PPFIA4: variants seen among roughly 807,000 people sequenced by gnomAD.
The protein encoded by PPFIA4 is PPFI scaffold protein A4.
PPFIA4 carries 98 observed loss-of-function variants against 145.7 expected under a neutral mutation model. The ratio of observed to expected loss-of-function variants is 0.67; its 90% CI spans 0.57 to 0.80. PPFIA4 has a LOEUF of 0.80. Among genes scored for constraint, PPFIA4 ranks in the 30% least tolerant of loss-of-function variants. PPFIA4 has a pLI of 0.00. For missense variants in PPFIA4, 1,457 were observed against 1,632.7 expected (o/e 0.89, Z 1.85); for synonymous variants, 628 against 649.6 (o/e 0.97, Z 0.51).
chr1:203,045,354 C>T lies in PPFIA4; in HGVS notation c.667-14C>T, dbSNP rs1417432513. Reference sequence around the variant, plus strand: ...CTGCTGTGACTCACAGAGCTACTGTCCCTATCCCTGGAGGAGGATACGGGC... The same window carrying T: ...CTGCTGTGACTCACAGAGCTACTGTTCCTATCCCTGGAGGAGGATACGGGC... On this transcript the variant is annotated splice_polypyrimidine_tract_variant and intron_variant, in intron 6 of 29. Coordinates refer to ENST00000295706, the MANE Select transcript of PPFIA4 (RefSeq NM_001304331.2). The T allele has an allele frequency of 6.4e-7, 1 of 1,568,386 alleles. No individual in the cohort carries two copies. The highest frequency in any genetic ancestry group is 1.8e-5 in the Admixed American group (1 of 54,862).
rs372384271 is a variant in PPFIA4, at chr1:203,045,560, G to A, written c.858+1G>A. The stretch of plus-strand genomic sequence containing the variant: ...CAAGCATCAGCGGGACCTCCGGGAG[G>A]TGCGTGAGGGCGCAGGCCTGCTCTG... On this transcript the variant is annotated splice_donor_variant, in intron 7 of 29. Coordinates refer to ENST00000295706, the MANE Select transcript of PPFIA4 (RefSeq NM_001304331.2). LOFTEE classifies it high-confidence loss of function. 7.0e-6 allele frequency: 11 copies of A among 1,580,534 alleles called. No homozygotes were observed. Among genetic ancestry groups the A allele is most frequent in the Non-Finnish European group, 8.6e-6 (10 of 1,164,252 alleles).
At chr1:203,057,119 G>C (rs1661026412) in intron 19 of PPFIA4, among the ~76,000 whole-genome samples, 169 bp downstream of exon 19, 1 of 152,250 alleles carries the variant, frequency 6.6e-6, no homozygotes, top group African/African-American at 2.4e-5. Context: ...GCTATTCATG[G>C]CGGGGTGGAT....
chr1:203,039,313 T>G, intron 2 of PPFIA4, 71 bp downstream of exon 2: 32 of 1,098,334 alleles, frequency 2.9e-5, no homozygotes, highest in Non-Finnish European at 3.3e-5. Flanking sequence ...CACTGGGCCC[T>G]CAGCTCATCT....
At chr1:203,032,629 T>C (rs1283266103) in intron 1 of PPFIA4, among the ~76,000 whole-genome samples, 1 of 104,876 alleles carries the variant, frequency 9.5e-6, no homozygotes, top group Non-Finnish European at 2.0e-5. Flanking sequence ...TTTTTTTTTT[T>C]AAGAGAGGAT....
intron 29 of PPFIA4, 129 bp from the exon 30 acceptor site, chr1:203,076,212 C>T: frequency 3.9e-6 from 4 of 1,029,868 alleles, no homozygotes; most frequent in Non-Finnish European, 5.9e-6. Context: ...CTTCCTGCTT[C>T]GTCTGGCCTG....
intron 13 of PPFIA4, 184 bp from the exon 14 acceptor site, chr1:203,051,585 A>T: frequency 9.0e-7 from 1 of 1,110,100 alleles, no homozygotes; most frequent in Non-Finnish European, 1.2e-6. Context: ...CCCCTGGAGC[A>T]CCAGGGCATA....
Position 203,045,684 on chromosome 1 carries a change from G to T in PPFIA4, c.858+125G>T. ...TTGCCTGGCTCCATTGTTGGGGGGC[G>T]GTCATGGAAGGGGTGGGCCAAAGCC... On this transcript the variant is annotated intron_variant, in intron 7 of 29. Transcript: ENST00000295706. 4 of 1,439,138 alleles carry T rather than the reference G, an allele frequency of 2.8e-6. No individual in the cohort carries two copies. The South Asian group carries it at 4.1e-5, about 15-fold the overall frequency. The allele number at this position is 1,439,138 out of a possible 1,614,324, so 89.1% of individuals were successfully genotyped here. A position where few individuals can be genotyped will look rare whatever the true frequency, so the allele number is the denominator to read the frequency against.
rs775099552 is a variant in PPFIA4 at position 203,055,516 on chromosome 1, A to G, written c.1914A>G (p.Leu638=). ...TRVTSGSMEA[L]NLKQLRKRGS... is the part of the protein sequence containing the mutation. ...TAACCAGTGGCAGCATGGAAGCCCT[A>G]AACCTGAAGCAGCTGCGCAAGCGTG... Residue 638 remains leucine (L), a synonymous_variant, in exon 16 of 30, where the codon CTA becomes CTG. Transcript: ENST00000295706. The surrounding 1 kb of genome is among the most constrained non-coding windows in gnomAD (Gnocchi z 4.8). The G allele has an allele frequency of 6.2e-7, 1 of 1,613,896 alleles. No individual in the cohort carries two copies. Among genetic ancestry groups the G allele is most frequent in the African/African-American group, 1.3e-5 (1 of 74,920 alleles).
At chr1:203,032,041 C>CGTGTATGTGTGTGT (rs138677252) in intron 1 of PPFIA4, among the ~76,000 whole-genome samples, 234 of 146,456 alleles carry the variant, frequency 1.6e-3, no homozygotes, top group Non-Finnish European at 1.4e-3. Flanking sequence ...TCTGAGAGAA[C>CGTGTATGTGTGTGT]GTGTGTGTGT....
At chr1:203,045,278 G>A (rs557584549) in intron 6 of PPFIA4, 90 bp from the exon 7 acceptor site, 30 of 1,167,018 alleles carry the variant, frequency 2.6e-5, no homozygotes, top group Non-Finnish European at 3.3e-5. Context: ...TGCTCTGGGT[G>A]TGCTGTTCCT....
intron 17 of PPFIA4, 67 bp downstream of exon 17, chr1:203,056,222 C>T: frequency 1.9e-6 from 3 of 1,609,612 alleles, no homozygotes; most frequent in African/African-American, 1.3e-5. Context: ...CTTTCAGCTT[C>T]CTCCCCCAGG....
chr1:203,051,280 C>G (rs1660484423), intron 13 of PPFIA4: 2 of 986,120 alleles, frequency 2.0e-6, no homozygotes, highest in Non-Finnish European at 2.4e-6. Context: ...GGACTCAGTC[C>G]AGATTATGGG....
intron 6 of PPFIA4, 28 bp from the exon 7 acceptor site, chr1:203,045,340 C>G: frequency 6.5e-7 from 1 of 1,528,940 alleles, no homozygotes; most frequent in Non-Finnish European, 8.8e-7. Flanking sequence ...TGCTGTGACT[C>G]ACAGAGCTAC....
chr1:203,051,784 T>C lies in PPFIA4; in HGVS notation c.1527T>C (p.Ser509=). ...DGVHSRSHMG[S]AADVRFSLGT... is the part of the protein sequence containing the mutation. ...ACCGCTCAAGGTCGCACATGGGCAGTGCAGCAGACGTGCGGTTCTCCCTGG... is the reference window on the plus strand; with the variant it reads ...ACCGCTCAAGGTCGCACATGGGCAGCGCAGCAGACGTGCGGTTCTCCCTGG... Residue 509 remains serine, a synonymous_variant, in exon 14 of 30, where the codon AGT becomes AGC. Coordinates refer to ENST00000295706, the MANE Select transcript of PPFIA4 (RefSeq NM_001304331.2). 1 of 1,613,212 alleles carries C rather than the reference T, an allele frequency of 6.2e-7. No individual in the cohort carries two copies. The highest frequency in any genetic ancestry group is 1.3e-5 in the African/African-American group (1 of 75,066).
chr1:203,041,434 T>A (rs1659686841), intron 2 of PPFIA4, among the ~76,000 whole-genome samples: 1 of 152,064 alleles, frequency 6.6e-6, no homozygotes, highest in Admixed American at 6.6e-5. Context: ...TCTACAAAAA[T>A]CCCCAAAATT....
intron 16 of PPFIA4, 66 bp from the exon 17 acceptor site, chr1:203,056,054 C>T (rs930514420): frequency 6.4e-7 from 1 of 1,553,354 alleles, no homozygotes; most frequent in Non-Finnish European, 8.9e-7. Context: ...CCACTGGGCT[C>T]CCCTGGGGTT....
At chr1:203,034,718 TG>T (rs769686044) in intron 1 of PPFIA4, 3 of 456,334 alleles carry the variant, frequency 6.6e-6, no homozygotes, top group African/African-American at 2.0e-5. Context: ...TTCCCCAGGC[TG>T]GAGGAGGAGG....
rs1336156121 is a variant in PPFIA4 at position 203,077,202 on chromosome 1, TAAGCCCA to T, written c.*816_*822del. Reference sequence around the variant, plus strand: ...GAGAGCCAATGGCCTCTGGTAGCCTTAAGCCCAAAGGGCAGTGGGAATGTCCCCTGCC... The same window carrying T: ...GAGAGCCAATGGCCTCTGGTAGCCTTAAGGGCAGTGGGAATGTCCCCTGCC... On this transcript the variant is annotated 3_prime_UTR_variant, in exon 30 of 30. Coordinates refer to ENST00000295706, the MANE Select transcript of PPFIA4 (RefSeq NM_001304331.2). The T allele has an allele frequency of 6.6e-6, 1 of 152,228 alleles. No individual in the cohort carries two copies. Among genetic ancestry groups the T allele is most frequent in the Non-Finnish European group, 1.5e-5 (1 of 68,072 alleles). 9.4% of individuals were successfully genotyped at this position (152,228 alleles called of 1,614,324 possible). A position where few individuals can be genotyped will look rare whatever the true frequency, so the allele number is the denominator to read the frequency against.
In PPFIA4 at chr1:203,043,906, C is replaced by T; in HGVS notation, c.337-25C>T. ...GGCACATGCTTACAGCCCTCCCTCT[C>T]ACCCTCCCCTGCTCTCCCTGCCAGC... On this transcript the variant is annotated intron_variant, in intron 3 of 29. Coordinates refer to ENST00000295706, the MANE Select transcript of PPFIA4 (RefSeq NM_001304331.2). This position sits in a 1 kb window ranked among gnomAD's most constrained non-coding sequence, Gnocchi z 4.4. The T allele has an allele frequency of 2.5e-6, 4 of 1,573,052 alleles. No individual in the cohort carries two copies. Among genetic ancestry groups the T allele is most frequent in the Non-Finnish European group, 3.5e-6 (4 of 1,157,706 alleles).
Sources: gnomAD v4.1 joint callset for allele counts (sites outside exome capture counted in the v4.1 genomes callset) on GRCh38, gnomAD v4.1.1 for gene constraint, Gnocchi (gnomAD v3.1) non-coding constraint, MANE v1.5 for transcripts, NCBI Gene and HGNC (gene_info 2026-07-23, HGNC 2026-07-21) for gene names.